Variants in NBEA observed in about 807,000 individuals in gnomAD.
The protein encoded by NBEA is neurobeachin.
NBEA carries 44 observed loss-of-function variants against 343.4 expected under a neutral mutation model. The ratio of observed to expected loss-of-function variants is 0.13; its 90% CI spans 0.10 to 0.16. NBEA has a LOEUF of 0.16. NBEA is among the 10% of genes least tolerant of loss of function. The pLI is 1.00. For synonymous variants in NBEA, 1,175 were observed against 1,238.7 expected, an observed-to-expected ratio of 0.95 and a Z score of 1.08; for missense variants, 2,555 against 3,631.3, an observed-to-expected ratio of 0.70 and a Z score of 7.62.
intron 36 of NBEA, among the ~76,000 whole-genome samples, chr13:35,312,805 A>G (rs985412235): frequency 6.6e-6 from 1 of 152,218 alleles, no homozygotes; most frequent in African/African-American, 2.4e-5. Context: ...AGTAACTAAT[A>G]GTTTACAGTA....
chr13:35,435,060 C>T, intron 39 of NBEA, among the ~76,000 whole-genome samples: 1 of 152,206 alleles, frequency 6.6e-6, no homozygotes, highest in South Asian at 2.1e-4. Context: ...CGGAATTTCA[C>T]TCTTGTTGCC....
In NBEA at chr13:35,261,604, A is replaced by T. The variant is rs533395170; in HGVS notation, c.5777-28785A>T. 3.9e-4 allele frequency among the ~76,000 whole-genome samples: 59 copies of T among 152,292 alleles called. No homozygotes were observed. In the South Asian group the frequency reaches 8.3e-3, roughly 21 times the overall value. On this transcript the variant is annotated intron_variant, in intron 34 of 58. Coordinates refer to ENST00000379939, the MANE Select transcript of NBEA (RefSeq NM_001385012.1). ...TGGAACTCTGGAAAATGAAAAATAA[A>T]GGCCTAAAATGAAAATTCATTTGAT... is the stretch of plus-strand genomic sequence containing the variant.
chr13:35,279,118 A>G (rs779482066), intron 34 of NBEA, among the ~76,000 whole-genome samples: 4 of 152,222 alleles, frequency 2.6e-5, no homozygotes, highest in African/African-American at 7.2e-5. Flanking sequence ...AATGTAATCA[A>G]TAAAGCAAGC....
At chr13:35,335,047 G>A (rs1274159340) in intron 36 of NBEA, among the ~76,000 whole-genome samples, 1 of 151,762 alleles carries the variant, frequency 6.6e-6, no homozygotes, top group African/African-American at 2.4e-5. Flanking sequence ...TGAGGGATAG[G>A]GGTCTAGTTT....
intron 10 of NBEA, among the ~76,000 whole-genome samples, chr13:35,074,539 T>G (rs1205591471): frequency 6.6e-6 from 1 of 152,134 alleles, no homozygotes; most frequent in Non-Finnish European, 1.5e-5. Flanking sequence ...ATTGCGTAAG[T>G]GTTCTTTTGG....
intron 1 of NBEA, among the ~76,000 whole-genome samples, chr13:34,954,082 G>A (rs1247971940): frequency 1.3e-5 from 2 of 152,130 alleles, no homozygotes; most frequent in South Asian, 2.1e-4. Context: ...GTTGGGGATC[G>A]CTGCCCTAAA....
At chr13:35,481,555 T>C (rs1455237668) in intron 41 of NBEA, among the ~76,000 whole-genome samples, 2 of 151,872 alleles carry the variant, frequency 1.3e-5, no homozygotes, top group African/African-American at 4.8e-5. Flanking sequence ...TTAAGGACAA[T>C]GAAGTTAGTC....
At chr13:35,193,274 A>G (rs950421108) in intron 30 of NBEA, among the ~76,000 whole-genome samples, 2 of 152,004 alleles carry the variant, frequency 1.3e-5, no homozygotes, top group Admixed American at 6.6e-5. Flanking sequence ...TTATCTTCTC[A>G]TTCTAGATTT....
intron 1 of NBEA, among the ~76,000 whole-genome samples, chr13:35,029,780 G>A (rs1267287335): frequency 2.0e-5 from 3 of 151,490 alleles, no homozygotes; most frequent in African/African-American, 7.3e-5. Flanking sequence ...ATGTTTCCAA[G>A]TCAGCATTTT....
rs140847067 is a variant in NBEA, at chr13:35,614,181, A to G, written c.7449+7603A>G. On this transcript the variant is annotated intron_variant, in intron 48 of 58. Transcript: ENST00000379939. Reference sequence around the variant, plus strand: ...AAATATTTATTTAAATTCTTTGCCCATTTTTAATAGGATTATTTGTTTCCT... The same window carrying G: ...AAATATTTATTTAAATTCTTTGCCCGTTTTTAATAGGATTATTTGTTTCCT... 4.6e-4 allele frequency among the ~76,000 whole-genome samples: 70 copies of G among 152,166 alleles called. No homozygotes were observed. In the East Asian group the frequency reaches 0.013, roughly 28 times the overall value.
chr13:35,015,127 GA>G (rs771271035), intron 1 of NBEA, among the ~76,000 whole-genome samples: 2 of 18,318 alleles, frequency 1.1e-4, no homozygotes, highest in African/African-American at 2.4e-4. Flanking sequence ...AACGAGATCT[GA>G]AAAAAAAAAA....
rs1418633847 is a variant in NBEA at position 35,352,238 on chromosome 13, G to T, written c.6094G>T (p.Asp2032Tyr). The T allele has an allele frequency of 1.9e-6, 3 of 1,570,760 alleles. No individual in the cohort carries two copies. Among genetic ancestry groups the T allele is most frequent in the Non-Finnish European group, 2.6e-6 (3 of 1,155,024 alleles). ...TCTTATCAGTGCTGCTAAACATCGA[G>T]ATCATGTAACAGCAAATCAGCTGAA... The part of the protein sequence containing the change: ...DHLISAAKHR[D>Y]HVTANQLKQK... Residue 2032 changes from aspartate to tyrosine, a missense_variant, in exon 38 of 59, where the codon GAT becomes TAT. By Grantham distance (160) the Asp-to-Tyr change is radical. Coordinates refer to ENST00000379939, the MANE Select transcript of NBEA (RefSeq NM_001385012.1).
intron 40 of NBEA, among the ~76,000 whole-genome samples, chr13:35,457,288 A>T (rs775092412): frequency 4.6e-5 from 7 of 152,236 alleles, no homozygotes; most frequent in Non-Finnish European, 7.4e-5. Context: ...TGTAATTCAC[A>T]TATCATATAA....
chr13:35,057,738 A>G (rs907965233), intron 7 of NBEA, among the ~76,000 whole-genome samples: 18 of 152,084 alleles, frequency 1.2e-4, no homozygotes, highest in Non-Finnish European at 1.5e-4. Flanking sequence ...AAATGAGAAG[A>G]CAGTATCTTG....
At chr13:35,334,490 G>A (rs2039127172) in intron 36 of NBEA, among the ~76,000 whole-genome samples, 2 of 152,086 alleles carry the variant, frequency 1.3e-5, no homozygotes, top group Admixed American at 6.5e-5. Context: ...GGCTAGTCTC[G>A]AACTCCTGAC....
chr13:34,988,630 C>G (rs1386012831), intron 1 of NBEA, among the ~76,000 whole-genome samples: 3 of 151,022 alleles, frequency 2.0e-5, no homozygotes, highest in Non-Finnish European at 4.4e-5. Context: ...TCCTGTTGTG[C>G]CATTTGCTGC....
At chr13:35,659,659 T>G (rs766528062) in intron 55 of NBEA, among the ~76,000 whole-genome samples, 1 of 152,204 alleles carries the variant, frequency 6.6e-6, no homozygotes, top group African/African-American at 2.4e-5. Context: ...TCTCAGACCA[T>G]AAAAGAGATA....
intron 1 of NBEA, among the ~76,000 whole-genome samples, chr13:34,980,435 T>C (rs1253202786): frequency 7.1e-6 from 1 of 141,518 alleles, no homozygotes; most frequent in Non-Finnish European, 1.5e-5. Flanking sequence ...TATTACATTT[T>C]ATTACATTTT....
At chr13:35,085,940 C>G (rs1201906201) in intron 10 of NBEA, among the ~76,000 whole-genome samples, 1 of 152,032 alleles carries the variant, frequency 6.6e-6, no homozygotes, top group African/African-American at 2.4e-5. Flanking sequence ...ACACCAATAA[C>G]AGACAAACAG....
Sources: allele counts gnomAD v4.1 joint callset (sites outside exome capture counted in the v4.1 genomes callset), GRCh38; gene constraint gnomAD v4.1.1; transcripts MANE v1.5; gene names NCBI Gene and HGNC (gene_info 2026-07-23, HGNC 2026-07-21).